The following LYZL4 variants were observed in gnomAD, a reference collection of about 807,000 sequenced individuals.
The protein encoded by LYZL4 is lysozyme like 4.
A neutral mutation model predicts 17.6 loss-of-function variants in LYZL4; 13 were observed. That is an observed-to-expected ratio of 0.74 (90% confidence interval 0.48 to 1.18). LYZL4 has a LOEUF of 1.18. Ranked by LOEUF, LYZL4 falls within the 50% of genes most tolerant of loss-of-function variation. The pLI is 0.00. For missense variants in LYZL4, 174 were observed against 188.2 expected (o/e 0.92, Z 0.44); for synonymous variants, 64 against 67.7 (o/e 0.95, Z 0.27).
At chr3:42,394,794 G>A (rs1698529696), downstream of LYZL4, among the ~76,000 whole-genome samples, 1 of 152,218 alleles carries the variant, frequency 6.6e-6, no homozygotes, top group Non-Finnish European at 1.5e-5. Context: ...GTGCCCATTA[G>A]AGGATGGTGA....
the LYZL4 span, among the ~76,000 whole-genome samples, chr3:42,366,392 C>T: frequency 8.5e-5 from 13 of 152,188 alleles, no homozygotes; most frequent in Non-Finnish European, 1.9e-4. Context: ...CCCTGGCACA[C>T]GTCCTGAGGA....
At chr3:42,408,229 A>T (rs73071758) in intron 1 of LYZL4, among the ~76,000 whole-genome samples, 26,102 of 152,116 alleles carry the variant, frequency 0.17, 2,814 homozygotes, top group East Asian at 0.3. Flanking sequence ...CCCTCTTCTT[A>T]CCACAGCAAA....
the LYZL4 span, among the ~76,000 whole-genome samples, chr3:42,389,258 C>A: frequency 1.3e-5 from 2 of 152,182 alleles, no homozygotes; most frequent in African/African-American, 2.4e-5. Context: ...AGAAACTGTT[C>A]TGGACAGAAA....
chr3:42,388,924 C>A, the LYZL4 span, among the ~76,000 whole-genome samples: 2 of 152,092 alleles, frequency 1.3e-5, no homozygotes. Flanking sequence ...AGGGTGGCTG[C>A]GAGGCATTGG....
downstream of LYZL4, chr3:42,397,053 C>A: frequency 4.3e-6 from 2 of 466,140 alleles, no homozygotes; most frequent in South Asian, 4.8e-5. Context: ...CAGAAATAAT[C>A]ATAATCAAAG....
chr3:42,407,752 C>T (rs1304329833), intron 1 of LYZL4, among the ~76,000 whole-genome samples: 1 of 151,744 alleles, frequency 6.6e-6, no homozygotes, highest in African/African-American at 2.4e-5. Flanking sequence ...GAACCACTAC[C>T]GACCTGTTGA....
intron 4 of LYZL4, among the ~76,000 whole-genome samples, chr3:42,398,130 G>T (rs1314298015): frequency 6.6e-6 from 1 of 152,118 alleles, no homozygotes; most frequent in Non-Finnish European, 1.5e-5. Context: ...CATACACACA[G>T]GTATTTTCAG....
intron 4 of LYZL4, among the ~76,000 whole-genome samples, chr3:42,401,678 G>C (rs2125600983): frequency 6.6e-6 from 1 of 152,114 alleles, no homozygotes; most frequent in South Asian, 2.1e-4. Flanking sequence ...TTTTAAGTCA[G>C]GTGGATAAGC....
the LYZL4 span, among the ~76,000 whole-genome samples, chr3:42,389,893 G>T: frequency 2.6e-5 from 4 of 152,134 alleles, no homozygotes; most frequent in African/African-American, 9.7e-5. Flanking sequence ...TTTATGATCA[G>T]TTGACTGAGG....
the LYZL4 span, among the ~76,000 whole-genome samples, chr3:42,364,608 G>T: frequency 6.6e-6 from 1 of 151,986 alleles, no homozygotes; most frequent in African/African-American, 2.4e-5. Context: ...GTCTCCCAAA[G>T]TGCTGGGATT....
chr3:42,372,056 G>T, the LYZL4 span, among the ~76,000 whole-genome samples: 1 of 152,256 alleles, frequency 6.6e-6, no homozygotes, highest in African/African-American at 2.4e-5. Flanking sequence ...CAGCACAATT[G>T]GTTCCTGAAC....
chr3:42,382,637 C>G, the LYZL4 span, among the ~76,000 whole-genome samples: 1 of 151,894 alleles, frequency 6.6e-6, no homozygotes, highest in Admixed American at 6.6e-5. Flanking sequence ...AGATGACCAA[C>G]TTTCCAGGGG....
chr3:42,401,529 A>G (rs1051364670), intron 4 of LYZL4, among the ~76,000 whole-genome samples: 3 of 152,184 alleles, frequency 2.0e-5, no homozygotes, highest in Non-Finnish European at 4.4e-5. Flanking sequence ...TCATAATAAA[A>G]TTTATTATGA....
the LYZL4 span, among the ~76,000 whole-genome samples, chr3:42,371,565 T>C: frequency 1.3e-5 from 2 of 152,192 alleles, no homozygotes; most frequent in African/African-American, 4.8e-5. Context: ...AAAGATGAAG[T>C]TGGGTCTTGG....
chr3:42,367,177 C>T, the LYZL4 span, among the ~76,000 whole-genome samples: 2 of 152,174 alleles, frequency 1.3e-5, no homozygotes, highest in Non-Finnish European at 2.9e-5. Flanking sequence ...AAGCACCCCA[C>T]ACACATACCC....
chr3:42,403,112 T>C (rs1698685953), intron 4 of LYZL4, among the ~76,000 whole-genome samples: 1 of 152,150 alleles, frequency 6.6e-6, no homozygotes, highest in Non-Finnish European at 1.5e-5. Flanking sequence ...CACAAAGAGC[T>C]CTTTCAAATA....
chr3:42,382,902 C>A, the LYZL4 span, among the ~76,000 whole-genome samples: 6 of 152,146 alleles, frequency 3.9e-5, no homozygotes, highest in East Asian at 1.2e-3. Flanking sequence ...CAGACACAGC[C>A]GGAGTTGCCC....
chr3:42,371,562 A>C, the LYZL4 span, among the ~76,000 whole-genome samples: 2 of 152,166 alleles, frequency 1.3e-5, no homozygotes, highest in African/African-American at 2.4e-5. Context: ...TCCAAAGATG[A>C]AGTTGGGTCT....
At chr3:42,375,240 C>T in the LYZL4 span, among the ~76,000 whole-genome samples, 2 of 152,186 alleles carry the variant, frequency 1.3e-5, no homozygotes, top group Non-Finnish European at 2.9e-5. Context: ...TGCTGAATGG[C>T]ACAAAGACAC....
Sources: allele counts gnomAD v4.1 joint callset (sites outside exome capture counted in the v4.1 genomes callset), GRCh38; gene constraint gnomAD v4.1.1; transcripts MANE v1.5; gene names NCBI Gene and HGNC (gene_info 2026-07-23, HGNC 2026-07-21).